Variants in SEC24C observed in about 807,000 individuals in gnomAD.
The protein encoded by SEC24C is protein transport protein Sec24C.
In SEC24C, 22 loss-of-function variants were observed where a neutral mutation model predicts 117.0. The observed-to-expected ratio is 0.19, with a 90% CI of 0.13 to 0.27. SEC24C has a LOEUF of 0.27. Among genes scored for constraint, SEC24C ranks in the 10% least tolerant of loss-of-function variants. SEC24C has a pLI of 1.00. For missense variants in SEC24C, 1,155 were observed against 1,375.1 expected (o/e 0.84, Z 2.53); for synonymous variants, 506 against 529.4 (o/e 0.96, Z 0.61).
At chr10:73,764,865 T>C (rs1008255839) in intron 8 of SEC24C, among the ~76,000 whole-genome samples, 1 of 152,246 alleles carries the variant, frequency 6.6e-6, no homozygotes, top group Middle Eastern at 3.2e-3. Context: ...TCTCTGTTAC[T>C]AGAAGCCAAA....
intron 3 of SEC24C, among the ~76,000 whole-genome samples, chr10:73,752,490 GAA>G (rs2082655690): frequency 6.6e-6 from 1 of 152,142 alleles, no homozygotes. Flanking sequence ...TATGATAATA[GAA>G]AAGTCACTTT....
In SEC24C at chr10:73,770,184, T is replaced by C; in HGVS notation, c.2863-96T>C. 3.0e-6 allele frequency: 4 copies of C among 1,316,138 alleles called. No homozygotes were observed. The South Asian group carries it at 5.5e-5, about 18-fold the overall frequency. 81.5% of individuals were successfully genotyped at this position (1,316,138 alleles called of 1,614,324 possible). On this transcript the variant is annotated intron_variant, in intron 20 of 22. Coordinates refer to ENST00000345254, the MANE Select transcript of SEC24C (RefSeq NM_198597.3). ...TACTGAGACCCCAGAAGGGGTGGTG[T>C]CTGAGGACTTAGCTTTCAAAATTTT...
chr10:73,758,770 C>T (rs2082750884), intron 3 of SEC24C, among the ~76,000 whole-genome samples: 1 of 152,068 alleles, frequency 6.6e-6, no homozygotes, highest in Non-Finnish European at 1.5e-5. Context: ...AGTGGTTTTT[C>T]ATTGTGTAGC....
chr10:73,744,405 T>A lies in SEC24C; in HGVS notation c.-61T>A, dbSNP rs1391799680. 6.5e-6 allele frequency: 1 copy of A among 152,734 alleles called. No individual in the cohort carries two copies. Among genetic ancestry groups the A allele is most frequent in the Non-Finnish European group, 1.5e-5 (1 of 68,204 alleles). The allele number at this position is 152,734 out of a possible 1,614,324, so 9.5% of individuals were successfully genotyped here. A position where few individuals can be genotyped will look rare whatever the true frequency, so the allele number is the denominator to read the frequency against. ...AAGTGGAGCCTGGGAGCCTTGACGT[T>A]AGGAACGAAGTCTAACCTGGATCTG... On this transcript the variant is annotated 5_prime_UTR_variant, in exon 1 of 23. Transcript: ENST00000345254.
In SEC24C at chr10:73,770,344, G is replaced by A. The variant is rs1390170299; in HGVS notation, c.2927G>A (p.Ser976Asn). The change falls in exon 21 of 23, where the codon AGC becomes AAC. Residue 976 changes from serine to asparagine, a missense_variant. Physicochemically the swap from Ser to Asn is conservative, Grantham distance 46. Transcript: ENST00000345254. ...PAVRASEERL[S>N]NGDIYLLENG... ...GTTCGAGCCTCTGAAGAGCGTCTAA[G>A]CAATGGGGATATATATTTACTGGAG... is the stretch of plus-strand genomic sequence containing the variant. The A allele has an allele frequency of 1.2e-6, 2 of 1,613,692 alleles. No homozygotes were observed. Among genetic ancestry groups the A allele is most frequent in the African/African-American group, 2.7e-5 (2 of 74,774 alleles).
In SEC24C at chr10:73,760,773, C is replaced by G; in HGVS notation, c.911C>G (p.Pro304Arg). The change falls in exon 6 of 23, where the codon CCC becomes CGC. Residue 304 changes from proline to arginine, a missense_variant. By Grantham distance (103) the Pro-to-Arg change is moderately radical (BLOSUM62 -2). Around this residue, in one of 2 missense-constraint regions of SEC24C, gnomAD observed 396 missense variants for 382.8 expected, o/e 1.03. Transcript: ENST00000345254. ...TATGGAGGCCCCTACCCAGCAGCAC[C>G]CACCTTTGGCAGTCAGCCTGGGCCT... Reference protein sequence around the residue: ...SNYGGPYPAAPTFGSQPGPPQ... With the variant: ...SNYGGPYPAARTFGSQPGPPQ... 6.2e-7 allele frequency: 1 copy of G among 1,614,108 alleles called. No homozygotes were observed. Among genetic ancestry groups the G allele is most frequent in the Non-Finnish European group, 8.5e-7 (1 of 1,179,986 alleles).
Position 73,760,240 on chromosome 10 carries a change from G to A in SEC24C, c.704G>A (p.Ser235Asn). ...SMTGPLLPGQSFGGPSVSQPN... is the reference protein window; with the variant it reads ...SMTGPLLPGQNFGGPSVSQPN... ...ACTGGTCCACTCCTGCCTGGACAGA[G>A]TTTTGGAGGGCCCTCAGTGAGCCAG... Residue 235 changes from serine to asparagine, a missense_variant, in exon 5 of 23, where the codon AGT becomes AAT. By Grantham distance (46) the Ser-to-Asn change is conservative (BLOSUM62 1). Around this residue, in one of 2 missense-constraint regions of SEC24C, gnomAD observed 396 missense variants for 382.8 expected, o/e 1.03. Coordinates refer to ENST00000345254, the MANE Select transcript of SEC24C (RefSeq NM_198597.3). The A allele has an allele frequency of 6.8e-6, 11 of 1,614,130 alleles. No individual in the cohort carries two copies. Among genetic ancestry groups the A allele is most frequent in the Non-Finnish European group, 9.3e-6 (11 of 1,180,006 alleles).
At chr10:73,754,147 G>A (rs573506489) in intron 3 of SEC24C, among the ~76,000 whole-genome samples, 19 of 152,144 alleles carry the variant, frequency 1.2e-4, no homozygotes, top group Non-Finnish European at 2.5e-4. Flanking sequence ...GGGTGTGGTG[G>A]CTTATACCTG....
intron 2 of SEC24C, among the ~76,000 whole-genome samples, chr10:73,750,041 T>C (rs1299456561): frequency 6.6e-6 from 1 of 152,238 alleles, no homozygotes; most frequent in East Asian, 1.9e-4. Context: ...TGAAGTATGA[T>C]GATTTTAACT....
rs747261327 is a variant in SEC24C, at chr10:73,763,990, C to G, written c.1227+7C>G. 1 of 1,573,552 alleles carries G rather than the reference C, an allele frequency of 6.4e-7. No individual in the cohort carries two copies. Among genetic ancestry groups the G allele is most frequent in the African/African-American group, 1.3e-5 (1 of 74,098 alleles). The stretch of plus-strand genomic sequence containing the variant: ...AAGGCTGCCCCCAGAGGAGGTGAGT[C>G]AGGGAAGGGGCTAGAGTGTAATGAA... On this transcript the variant is annotated splice_region_variant and intron_variant, in intron 8 of 22. Coordinates refer to ENST00000345254, the MANE Select transcript of SEC24C (RefSeq NM_198597.3).
chr10:73,744,755 C>A (rs12572278), intron 1 of SEC24C, among the ~76,000 whole-genome samples: 18,024 of 152,114 alleles, frequency 0.12, 1,186 homozygotes, highest in South Asian at 0.2. Context: ...TTTTGATCCT[C>A]GGCTCTCCGA....
rs35528438 is a variant in SEC24C, at chr10:73,763,876, A to G, written c.1120A>G (p.Ile374Val). 31,634 of 1,613,108 alleles carry G rather than the reference A, an allele frequency of 0.02. 375 individuals carry two copies. The highest frequency in any genetic ancestry group is 0.069 in the Middle Eastern group (421 of 6,062). ...KDQGNASPRY[I>V]RCTSYNIPCT... ...TTCAGGGAATGCAAGTCCCCGATAC[A>G]TCCGATGTACATCCTATAATATCCC... Residue 374 changes from isoleucine to valine, a missense_variant, in exon 8 of 23, where the codon ATC (isoleucine) becomes GTC (valine). Coordinates refer to ENST00000345254, the MANE Select transcript of SEC24C (RefSeq NM_198597.3).
chr10:73,752,686 C>A (rs1459876641), intron 3 of SEC24C, among the ~76,000 whole-genome samples: 1 of 151,972 alleles, frequency 6.6e-6, no homozygotes, highest in African/African-American at 2.4e-5. Context: ...GTGCTGGGTG[C>A]AGTGGCTGAC....
At chr10:73,764,533 A>G (rs1278419470) in intron 8 of SEC24C, among the ~76,000 whole-genome samples, 1 of 151,908 alleles carries the variant, frequency 6.6e-6, no homozygotes, top group African/African-American at 2.4e-5. Context: ...CAAAAAAAAA[A>G]AAAAAAACAA....
intron 8 of SEC24C, among the ~76,000 whole-genome samples, chr10:73,764,489 A>G (rs1041444947): frequency 1.3e-5 from 2 of 148,414 alleles, no homozygotes; most frequent in African/African-American, 5.0e-5. Context: ...GCACCACTGC[A>G]CTCCAGCCTG....
At position 73,769,258 on chromosome 10, in the gene SEC24C, G is replaced by A; in HGVS notation, c.2425-89G>A. ...CTAAAAGAAGAGACAGGGCACGGGA[G>A]TGGCTCATTTCTCTCTTCCAGTTTA... On this transcript the variant is annotated intron_variant, in intron 17 of 22. Coordinates refer to ENST00000345254, the MANE Select transcript of SEC24C (RefSeq NM_198597.3). The surrounding 1 kb of genome is among the most constrained non-coding windows in gnomAD (Gnocchi z 4.5). 1 of 1,587,832 alleles carries A rather than the reference G, an allele frequency of 6.3e-7. No homozygotes were observed. Among genetic ancestry groups the A allele is most frequent in the Non-Finnish European group, 8.6e-7 (1 of 1,165,338 alleles).
In SEC24C at chr10:73,769,318, G is replaced by A. The variant is rs749978037; in HGVS notation, c.2425-29G>A. The A allele has an allele frequency of 6.2e-6, 10 of 1,611,828 alleles. No homozygotes were observed. In the South Asian group the frequency reaches 1.1e-4, roughly 18 times the overall value. On this transcript the variant is annotated intron_variant, in intron 17 of 22. Transcript: ENST00000345254. The surrounding 1 kb of genome is among the most constrained non-coding windows in gnomAD (Gnocchi z 4.5). ...CAAAGGGCCTTTGTGAGGGAGGGGT[G>A]TGAGTTCCCCCTTTCTCCTTTCCCC...
rs893183303 is a variant in SEC24C, at chr10:73,751,584, C to T, written c.308+341C>T. ...AAATAAATAAATAAATAAAATTGAT[C>T]TGATGAAAGTAGAAAGGTTAGGAAT... is the stretch of plus-strand genomic sequence containing the variant. On this transcript the variant is annotated intron_variant, in intron 3 of 22. Transcript: ENST00000345254. 1.2e-4 allele frequency: 18 copies of T among 154,142 alleles called. 1 individual carries two copies. Among genetic ancestry groups the T allele is most frequent in the Admixed American group, 3.9e-4 (6 of 15,480 alleles). The allele number at this position is 154,142 out of a possible 1,614,324, so 9.5% of individuals were successfully genotyped here. A position where few individuals can be genotyped will look rare whatever the true frequency, so the allele number is the denominator to read the frequency against.
At chr10:73,758,116 T>C (rs2082739602) in intron 3 of SEC24C, among the ~76,000 whole-genome samples, 1 of 151,536 alleles carries the variant, frequency 6.6e-6, no homozygotes, top group Non-Finnish European at 1.5e-5. Flanking sequence ...GCACCTGTAG[T>C]CCCAGCTACT....
Sources: gnomAD v4.1 joint callset for allele counts (sites outside exome capture counted in the v4.1 genomes callset) on GRCh38, gnomAD v4.1.1 for gene constraint, gnomAD v4.1.1 regional missense constraint, Gnocchi (gnomAD v3.1) non-coding constraint, MANE v1.5 for transcripts, NCBI Gene and HGNC (gene_info 2026-07-23, HGNC 2026-07-21) for gene names.